The following CACNA1E variants were observed in gnomAD, a reference collection of about 807,000 sequenced individuals.
CACNA1E encodes the protein calcium voltage-gated channel subunit alpha1 E, also known as voltage-dependent R-type calcium channel subunit alpha-1E.
Under a neutral mutation model 259.2 loss-of-function variants are expected in CACNA1E, and 40 were observed. The observed-to-expected ratio is 0.15, with a 90% CI of 0.12 to 0.20. CACNA1E has a LOEUF of 0.20. Among genes scored for constraint, CACNA1E ranks in the 10% least tolerant of loss-of-function variants. The probability of loss-of-function intolerance (pLI) is 1.00; values close to 1 mark genes in which losing one functional copy is unlikely to be tolerated. For synonymous variants in CACNA1E, 1,104 were observed against 1,138.5 expected (o/e 0.97, Z 0.61); for missense variants, 1,874 against 3,040.1 (o/e 0.62, Z 9.02).
intron 1 of CACNA1E, among the ~76,000 whole-genome samples, chr1:181,398,423 T>C (rs1053866888): frequency 6.6e-6 from 1 of 152,232 alleles, no homozygotes; most frequent in Non-Finnish European, 1.5e-5. Context: ...TATTTAACCC[T>C]CATAATAAAT....
rs563172297 is a variant in CACNA1E at position 181,448,613 on chromosome 1, C to G, written c.434+35033C>G. Among the ~76,000 whole-genome samples, 91 of 152,360 alleles carry G rather than the reference C, an allele frequency of 6.0e-4. No individual in the cohort carries two copies. The South Asian group carries it at 0.018, about 31-fold the overall frequency. ...GACGTAGATAGATTACTCATTTCCC[C>G]TACTCCAGCCTCTGATAAGCAGCAG... On this transcript the variant is annotated intron_variant, in intron 2 of 11. Transcript: ENST00000524607.
intron 2 of CACNA1E, among the ~76,000 whole-genome samples, chr1:181,437,277 T>C (rs766092137): frequency 1.7e-4 from 26 of 152,134 alleles, no homozygotes; most frequent in Non-Finnish European, 3.2e-4. Context: ...CTTGATCTCA[T>C]TCTTTCTTTT....
At chr1:181,326,010 C>T (rs1650758243) in intron 1 of CACNA1E, among the ~76,000 whole-genome samples, 1 of 152,214 alleles carries the variant, frequency 6.6e-6, no homozygotes, top group South Asian at 2.1e-4. Flanking sequence ...GCCTCCTCCA[C>T]CCGCTCCGCC....
chr1:181,341,825 C>G (rs1357098400), intron 1 of CACNA1E, among the ~76,000 whole-genome samples: 1 of 152,226 alleles, frequency 6.6e-6, no homozygotes, highest in East Asian at 1.9e-4. Context: ...ATTCATCCAT[C>G]CATCCATTCA....
chr1:181,526,613 C>A (rs1037222444), intron 3 of CACNA1E, among the ~76,000 whole-genome samples: 3 of 152,058 alleles, frequency 2.0e-5, no homozygotes, highest in African/African-American at 7.2e-5. Context: ...ATCTTGAAAT[C>A]AATTTAGAAA....
intron 6 of CACNA1E, among the ~76,000 whole-genome samples, chr1:181,609,560 G>A (rs745377636): frequency 6.6e-6 from 1 of 152,182 alleles, no homozygotes; most frequent in Non-Finnish European, 1.5e-5. Context: ...AGGCACACCG[G>A]TTTCAGTGTG....
In CACNA1E at chr1:181,792,465, C is replaced by T. The variant is rs12047699; in HGVS notation, c.5899-1200C>T. On this transcript the variant is annotated intron_variant, in intron 44 of 47. Coordinates refer to ENST00000367573, the MANE Select transcript of CACNA1E (RefSeq NM_001205293.3). ...GTGTGTCTCACACCACCTCTGATAC[C>T]TGTAGACTGCAGTGTTGTTACCACG... Among the ~76,000 whole-genome samples the T allele has an allele frequency of 3.3e-5, 5 of 152,344 alleles. No individual in the cohort carries two copies. In the East Asian group the frequency reaches 7.7e-4, roughly 23 times the overall value.
intron 3 of CACNA1E, among the ~76,000 whole-genome samples, chr1:181,518,465 G>A (rs989914250): frequency 2.0e-5 from 3 of 152,136 alleles, no homozygotes; most frequent in Admixed American, 2.0e-4. Context: ...CCCCCCAGAT[G>A]GGCAAATGAT....
upstream of CACNA1E, among the ~76,000 whole-genome samples, chr1:181,482,143 G>A (rs531926894): frequency 3.5e-4 from 54 of 152,352 alleles, no homozygotes; most frequent in African/African-American, 1.3e-3. Flanking sequence ...GAGATGGGGA[G>A]AGGGTTCTGC....
At chr1:181,597,547 C>CTG (rs1465126639) in intron 6 of CACNA1E, among the ~76,000 whole-genome samples, 1 of 152,196 alleles carries the variant, frequency 6.6e-6, no homozygotes, top group African/African-American at 2.4e-5. Context: ...CTTACACCTA[C>CTG]TGTGTGCCCA....
At chr1:181,450,444 G>A (rs12134112) in intron 2 of CACNA1E, among the ~76,000 whole-genome samples, 3 of 141,526 alleles carry the variant, frequency 2.1e-5, no homozygotes, top group Non-Finnish European at 4.7e-5. Context: ...GTGTGTGTGT[G>A]TATGTGTGTG....
chr1:181,666,898 T>A (rs1648289940), intron 7 of CACNA1E, among the ~76,000 whole-genome samples: 1 of 152,068 alleles, frequency 6.6e-6, no homozygotes, highest in Non-Finnish European at 1.5e-5. Context: ...ATATCTTATA[T>A]CAAAATAAAT....
chr1:181,402,022 G>C (rs1178721992), intron 1 of CACNA1E, among the ~76,000 whole-genome samples: 10 of 152,206 alleles, frequency 6.6e-5, no homozygotes, highest in Admixed American at 6.5e-4. Context: ...TTTGGAGCTT[G>C]TGTGTGATGA....
intron 6 of CACNA1E, among the ~76,000 whole-genome samples, chr1:181,601,461 T>G (rs554115736): frequency 1.3e-5 from 2 of 152,300 alleles, no homozygotes; most frequent in African/African-American, 4.8e-5. Context: ...CCTCATTTTA[T>G]TGATGGCTAT....
At chr1:181,465,675 G>C (rs1255135382) in intron 2 of CACNA1E, among the ~76,000 whole-genome samples, 2 of 151,904 alleles carry the variant, frequency 1.3e-5, no homozygotes, top group Non-Finnish European at 2.9e-5. Flanking sequence ...TTTTGTATTT[G>C]CCACTTTTTC....
chr1:181,631,574 G>A lies in CACNA1E; in HGVS notation c.952-19764G>A, dbSNP rs114234981. 2.8e-3 allele frequency among the ~76,000 whole-genome samples: 422 copies of A among 152,264 alleles called. 3 individuals carry two copies. The highest frequency in any genetic ancestry group is 7.9e-3 in the African/African-American group (330 of 41,552). ...AGGATTCCAGAGGAGTGCCTGGGCCGTATTCCCAGAAGGAGAGGGCGTTGT... is the reference window on the plus strand; with the variant it reads ...AGGATTCCAGAGGAGTGCCTGGGCCATATTCCCAGAAGGAGAGGGCGTTGT... On this transcript the variant is annotated intron_variant, in intron 6 of 47. Transcript: ENST00000367573.
At chr1:181,612,301 C>T (rs1368076752) in intron 6 of CACNA1E, among the ~76,000 whole-genome samples, 1 of 152,230 alleles carries the variant, frequency 6.6e-6, no homozygotes, top group Non-Finnish European at 1.5e-5. Context: ...TCACGTGATG[C>T]ACTCTCCTTG....
intron 34 of CACNA1E, among the ~76,000 whole-genome samples, chr1:181,764,621 C>G (rs1171374914): frequency 6.6e-6 from 1 of 152,140 alleles, no homozygotes; most frequent in Non-Finnish European, 1.5e-5. Context: ...TTTATCATAT[C>G]CAGAGAAAGT....
intron 3 of CACNA1E, among the ~76,000 whole-genome samples, chr1:181,568,766 A>G (rs1650105869): frequency 2.0e-5 from 3 of 151,898 alleles, no homozygotes; most frequent in Admixed American, 2.0e-4. Context: ...GCTTATTTTT[A>G]TTTATTTTCA....
Sources: allele counts gnomAD v4.1 joint callset (sites outside exome capture counted in the v4.1 genomes callset), GRCh38; gene constraint gnomAD v4.1.1; transcripts MANE v1.5; gene names NCBI Gene and HGNC (gene_info 2026-07-23, HGNC 2026-07-21).